CGNL1: variants seen among roughly 807,000 people sequenced by gnomAD.
CGNL1 encodes the protein cingulin-like protein 1.
Under a neutral mutation model 141.2 loss-of-function variants are expected in CGNL1, and 132 were observed. That is an observed-to-expected ratio of 0.93 (90% CI 0.81 to 1.08). The LOEUF (loss-of-function observed/expected upper bound fraction) is 1.08, where lower values mean the gene tolerates loss of function less well. Ranked by LOEUF, CGNL1 falls within the 50% of genes least tolerant of loss-of-function variation. The probability of loss-of-function intolerance (pLI) is 0.00; values close to 1 mark genes in which losing one functional copy is unlikely to be tolerated. For synonymous variants in CGNL1, 690 were observed against 622.1 expected (o/e 1.11, Z -1.63); for missense variants, 1,870 against 1,588.6 (o/e 1.18, Z -3.01).
chr15:57,493,531 G>A (rs2063895971), intron 8 of CGNL1, among the ~76,000 whole-genome samples: 1 of 152,072 alleles, frequency 6.6e-6, no homozygotes, highest in Admixed American at 6.5e-5. Flanking sequence ...CAGAAACAAG[G>A]GATTAAAAAT....
chr15:57,379,651 G>GGC (rs1287503732), intron 1 of CGNL1, among the ~76,000 whole-genome samples: 2 of 152,096 alleles, frequency 1.3e-5, no homozygotes, highest in Admixed American at 6.6e-5. Context: ...GGCACTAAAG[G>GGC]GCGGTGGCAT....
intron 8 of CGNL1, among the ~76,000 whole-genome samples, chr15:57,492,043 A>C (rs771939002): frequency 1.1e-4 from 16 of 152,328 alleles, no homozygotes; most frequent in Middle Eastern, 3.4e-3. Context: ...ACGTTAGGTA[A>C]AAACTAAGGA....
chr15:57,416,085 C>G (rs16977483), intron 1 of CGNL1, among the ~76,000 whole-genome samples: 15,707 of 152,102 alleles, frequency 0.1, 921 homozygotes, highest in Middle Eastern at 0.19. Context: ...AGTTTTGAGG[C>G]CTTCTAGTTC....
chr15:57,437,627 A>T (rs1395815461), intron 1 of CGNL1, among the ~76,000 whole-genome samples: 4 of 64,880 alleles, frequency 6.2e-5, no homozygotes, highest in Admixed American at 1.9e-4. Flanking sequence ...AGCAAAAAAA[A>T]AAAAAAAAAA....
Position 57,531,679 on chromosome 15 carries a change from T to C in CGNL1, c.3202-11T>C, listed in dbSNP as rs1240494494. ...AAGTTAAGTCAACTGTGTTTGTGAT[T>C]TCCTTCTTAGGACAAGGTGTCTCAA... On this transcript the variant is annotated splice_polypyrimidine_tract_variant and intron_variant, in intron 13 of 18. Coordinates refer to ENST00000281282, the MANE Select transcript of CGNL1 (RefSeq NM_032866.5). 1.9e-6 allele frequency: 3 copies of C among 1,589,468 alleles called. No homozygotes were observed. Among genetic ancestry groups the C allele is most frequent in the Non-Finnish European group, 2.6e-6 (3 of 1,157,642 alleles).
At chr15:57,442,664 G>GCTACACC (rs1158501192) in intron 4 of CGNL1, among the ~76,000 whole-genome samples, 186 bp downstream of exon 4, 9 of 152,060 alleles carry the variant, frequency 5.9e-5, no homozygotes, top group Non-Finnish European at 1.5e-5. Flanking sequence ...TGTCACCCTG[G>GCTACACC]CTGGAGTGTA....
chr15:57,433,071 G>C lies in CGNL1; in HGVS notation c.-15-4914G>C, dbSNP rs995108207. Among the ~76,000 whole-genome samples, 4 of 150,362 alleles carry C rather than the reference G, an allele frequency of 2.7e-5. No individual in the cohort carries two copies. In the East Asian group the frequency reaches 7.7e-4, roughly 29 times the overall value. The stretch of plus-strand genomic sequence containing the variant: ...CTGATTTTTCTTACAACACTTATTG[G>C]TGAGTAGAATAACCCCATTTAGTAA... On this transcript the variant is annotated intron_variant, in intron 1 of 18. Coordinates refer to ENST00000281282, the MANE Select transcript of CGNL1 (RefSeq NM_032866.5).
At chr15:57,433,188 C>T (rs2063065584) in intron 1 of CGNL1, among the ~76,000 whole-genome samples, 1 of 150,100 alleles carries the variant, frequency 6.7e-6, no homozygotes. Flanking sequence ...TAAAATATGC[C>T]AATGCTGCTC....
chr15:57,415,640 C>A (rs1321866439), intron 1 of CGNL1, among the ~76,000 whole-genome samples: 9 of 152,188 alleles, frequency 5.9e-5, no homozygotes, highest in Non-Finnish European at 1.2e-4. Flanking sequence ...AATGAGCTCC[C>A]CACCTATCTC....
At chr15:57,470,392 A>T (rs1271696348) in intron 8 of CGNL1, among the ~76,000 whole-genome samples, 1 of 151,822 alleles carries the variant, frequency 6.6e-6, no homozygotes. Context: ...TGAACCCATC[A>T]CAGGCCCAGT....
At chr15:57,430,247 G>A (rs11855618) in intron 1 of CGNL1, among the ~76,000 whole-genome samples, 83,759 of 152,048 alleles carry the variant, frequency 0.55, 23,733 homozygotes, top group Non-Finnish European at 0.63. Context: ...GACTTGAGCC[G>A]CATGTCAGAA....
chr15:57,412,239 C>T (rs2062797315), intron 1 of CGNL1, among the ~76,000 whole-genome samples: 1 of 152,206 alleles, frequency 6.6e-6, no homozygotes, highest in Non-Finnish European at 1.5e-5. Flanking sequence ...CCCGAACCAC[C>T]CTCATCCTAG....
chr15:57,440,565 C>T, intron 3 of CGNL1, 94 bp downstream of exon 3: 1 of 976,806 alleles, frequency 1.0e-6, no homozygotes, highest in African/African-American at 1.6e-5. Flanking sequence ...ACCTTCCTTT[C>T]TTGCCCTGTG....
At position 57,386,618 on chromosome 15, in the gene CGNL1, C is replaced by G. The variant is rs180965311; in HGVS notation, c.-16+10051C>G. 1.4e-4 allele frequency among the ~76,000 whole-genome samples: 22 copies of G among 152,194 alleles called. No individual in the cohort carries two copies. The East Asian group carries it at 4.1e-3, about 28-fold the overall frequency. ...TCTGTGTACAACCTTTGGCTTTTCC[C>G]GTGCTTGTTGTGTGACCCTGGGTTA... On this transcript the variant is annotated intron_variant, in intron 1 of 18. Coordinates refer to ENST00000281282, the MANE Select transcript of CGNL1 (RefSeq NM_032866.5).
At chr15:57,475,493 GT>G (rs2063641670) in intron 8 of CGNL1, among the ~76,000 whole-genome samples, 1 of 202 alleles carries the variant, frequency 5.0e-3, no homozygotes, top group South Asian at 0.25. Context: ...TACAAGTGTG[GT>G]GTGTGTGTGT....
At chr15:57,424,700 C>A (rs1336554906) in intron 1 of CGNL1, among the ~76,000 whole-genome samples, 1 of 152,032 alleles carries the variant, frequency 6.6e-6, no homozygotes, top group Non-Finnish European at 1.5e-5. Context: ...CCCTTACACC[C>A]CATGAAGACC....
intron 8 of CGNL1, among the ~76,000 whole-genome samples, chr15:57,473,899 C>CTTTTTTTTTTT (rs59761174): frequency 1.4e-5 from 1 of 70,668 alleles, no homozygotes; most frequent in African/African-American, 5.6e-5. Flanking sequence ...TCTTCTTCTT[C>CTTTTTTTTTTT]TTTTTTTTTT....
chr15:57,442,996 A>C (rs567931293), intron 4 of CGNL1, among the ~76,000 whole-genome samples: 4 of 152,370 alleles, frequency 2.6e-5, no homozygotes, highest in Non-Finnish European at 4.4e-5. Flanking sequence ...TGATACAAAC[A>C]GATGGCGAGA....
chr15:57,529,013 A>G, intron 13 of CGNL1, 198 bp downstream of exon 13: 1 of 545,218 alleles, frequency 1.8e-6, no homozygotes, highest in Non-Finnish European at 3.3e-6. Context: ...TCAGAGCTAG[A>G]AGGAATGATG....
Sources: allele counts gnomAD v4.1 joint callset (sites outside exome capture counted in the v4.1 genomes callset), GRCh38; gene constraint gnomAD v4.1.1; transcripts MANE v1.5; gene names NCBI Gene and HGNC (gene_info 2026-07-23, HGNC 2026-07-21).